Variants in ATP8A1 observed in about 807,000 individuals in gnomAD.
ATP8A1 encodes ATPase phospholipid transporting 8A1.
In ATP8A1, 90 loss-of-function variants were observed where a neutral mutation model predicts 177.7. The ratio of observed to expected loss-of-function variants is 0.51; its 90% CI spans 0.43 to 0.60. The LOEUF (loss-of-function observed/expected upper bound fraction) is 0.60. Ranked by LOEUF, ATP8A1 falls within the 20% of genes least tolerant of loss-of-function variation. The pLI is 0.00. For missense variants in ATP8A1, 1,072 were observed against 1,392.8 expected (o/e 0.77, Z 3.67); for synonymous variants, 493 against 485.9 (o/e 1.01, Z -0.19).
At chr4:42,647,980 C>T (rs1421607336) in intron 1 of ATP8A1, among the ~76,000 whole-genome samples, 1 of 151,992 alleles carries the variant, frequency 6.6e-6, no homozygotes, top group Non-Finnish European at 1.5e-5. Context: ...TTAAGACATA[C>T]AATATAATTT....
intron 7 of ATP8A1, among the ~76,000 whole-genome samples, chr4:42,589,741 T>C (rs1733968167): frequency 6.6e-6 from 1 of 152,140 alleles, no homozygotes. Context: ...TGAAACATAG[T>C]TTATGAATTT....
intron 1 of ATP8A1, among the ~76,000 whole-genome samples, chr4:42,635,321 A>G (rs1454307897): frequency 6.6e-6 from 1 of 152,138 alleles, no homozygotes; most frequent in Non-Finnish European, 1.5e-5. Context: ...TATTGCAATT[A>G]TAAGTAAGGC....
In ATP8A1 at chr4:42,411,548, G is replaced by C. The variant is rs1451622532; in HGVS notation, c.*1368C>G. ...TATTTAAAAAATAGTGTAGAAAACT[G>C]GTTGTGGTTTTTAAACAGCCCCTTC... On this transcript the variant is annotated 3_prime_UTR_variant, in exon 37 of 37. Coordinates refer to ENST00000381668, the MANE Select transcript of ATP8A1 (RefSeq NM_006095.2). 2.0e-5 allele frequency: 3 copies of C among 152,120 alleles called. No homozygotes were observed. Among genetic ancestry groups the C allele is most frequent in the Non-Finnish European group, 4.4e-5 (3 of 68,014 alleles). The allele number at this position is 152,120 out of a possible 1,614,324, so 9.4% of individuals were successfully genotyped here.
At chr4:42,459,441 T>C (rs1336998356) in intron 27 of ATP8A1, 1 of 257,370 alleles carries the variant, frequency 3.9e-6, no homozygotes, top group East Asian at 1.2e-4. Flanking sequence ...TATAAGCAGA[T>C]TTATTGCTGG....
intron 4 of ATP8A1, among the ~76,000 whole-genome samples, chr4:42,622,435 T>TAA (rs1348647806): frequency 7.3e-5 from 11 of 151,542 alleles, no homozygotes; most frequent in African/African-American, 2.4e-4. Context: ...CCCCAAACTA[T>TAA]AAAAACCCTG....
intron 16 of ATP8A1, among the ~76,000 whole-genome samples, chr4:42,555,143 T>TATCTATCTA (rs1730021851): frequency 4.6e-5 from 3 of 64,800 alleles, no homozygotes; most frequent in Admixed American, 1.5e-4. Context: ...CTATCTAATC[T>TATCTATCTA]ATCTATCTAT....
chr4:42,435,456 A>AAAAAAAAAAAAAAAACAAAC (rs1560320569), intron 33 of ATP8A1, among the ~76,000 whole-genome samples: 1 of 101,014 alleles, frequency 9.9e-6, no homozygotes, highest in African/African-American at 3.2e-5. Flanking sequence ...AAAACAAAAA[A>AAAAAAAAAAAAAAAACAAAC]AAAAAAACAA....
intron 1 of ATP8A1, among the ~76,000 whole-genome samples, chr4:42,654,768 A>C (rs1164544410): frequency 6.6e-6 from 1 of 152,230 alleles, no homozygotes; most frequent in Non-Finnish European, 1.5e-5. Flanking sequence ...GAATTGGTTG[A>C]CCCTGGGTCA....
rs568310402 is a variant in ATP8A1, at chr4:42,424,668, T to C, written c.3124-963A>G. ...CTAATCAATCAGTCCTTATCAAACATAAACATTTCTAATTTTAAATTATAT... is the reference window on the plus strand; with the variant it reads ...CTAATCAATCAGTCCTTATCAAACACAAACATTTCTAATTTTAAATTATAT... On this transcript the variant is annotated intron_variant, in intron 33 of 36. Transcript: ENST00000381668. Among the ~76,000 whole-genome samples the C allele has an allele frequency of 1.4e-4, 21 of 152,318 alleles. No homozygotes were observed. In the South Asian group the frequency reaches 4.3e-3, roughly 32 times the overall value.
intron 24 of ATP8A1, among the ~76,000 whole-genome samples, chr4:42,487,567 C>A (rs1722319679): frequency 6.6e-6 from 1 of 151,936 alleles, no homozygotes; most frequent in African/African-American, 2.4e-5. Context: ...AATAAAAATA[C>A]AGTACACTTA....
rs962498990 is a variant in ATP8A1 at position 42,655,832 on chromosome 4, T to C, written c.49+993A>G. Among the ~76,000 whole-genome samples, 18 of 152,294 alleles carry C rather than the reference T, an allele frequency of 1.2e-4. 1 individual carries two copies. Among genetic ancestry groups the C allele is most frequent in the Admixed American group, 1.1e-3 (17 of 15,296 alleles). On this transcript the variant is annotated intron_variant, in intron 1 of 36. Coordinates refer to ENST00000381668, the MANE Select transcript of ATP8A1 (RefSeq NM_006095.2). ...ACTTATATATTTTTCTAAAACCACT[T>C]CACCACCTGTCTCACATTAAAAGAT...
chr4:42,653,778 T>C (rs549825503), intron 1 of ATP8A1, among the ~76,000 whole-genome samples: 4 of 152,338 alleles, frequency 2.6e-5, no homozygotes, highest in Admixed American at 2.0e-4. Context: ...ATGACTCACC[T>C]TGGCATTTAA....
chr4:42,425,523 C>T (rs1217561831), intron 33 of ATP8A1, among the ~76,000 whole-genome samples: 4 of 151,976 alleles, frequency 2.6e-5, no homozygotes, highest in African/African-American at 7.3e-5. Flanking sequence ...CCGACATTCG[C>T]ATTAAAGACA....
intron 34 of ATP8A1, among the ~76,000 whole-genome samples, chr4:42,423,221 G>C (rs1332068591): frequency 6.6e-6 from 1 of 151,582 alleles, no homozygotes; most frequent in Non-Finnish European, 1.5e-5. Flanking sequence ...AAATTAGTAA[G>C]GTTTTCTTTT....
chr4:42,481,720 C>T (rs1721689861), intron 25 of ATP8A1, among the ~76,000 whole-genome samples: 2 of 152,146 alleles, frequency 1.3e-5, no homozygotes, highest in Non-Finnish European at 2.9e-5. Flanking sequence ...TTCAGTGAGT[C>T]TGTAAAACCC....
At chr4:42,523,823 C>T (rs543354397) in intron 21 of ATP8A1, among the ~76,000 whole-genome samples, 8 of 152,274 alleles carry the variant, frequency 5.3e-5, no homozygotes, top group East Asian at 1.9e-4. Flanking sequence ...TGTTTCCATG[C>T]TTTTACATTT....
chr4:42,487,668 T>C (rs1297809739), intron 24 of ATP8A1, among the ~76,000 whole-genome samples: 1 of 152,184 alleles, frequency 6.6e-6, no homozygotes, highest in Non-Finnish European at 1.5e-5. Flanking sequence ...TTTGTAGTTA[T>C]TTCACAGAGA....
chr4:42,503,733 G>C (rs1354902796), intron 23 of ATP8A1, among the ~76,000 whole-genome samples: 1 of 152,152 alleles, frequency 6.6e-6, no homozygotes, highest in Non-Finnish European at 1.5e-5. Context: ...AGGCTACAAA[G>C]ACATCTGGAA....
chr4:42,607,940 C>T (rs1735962366), intron 5 of ATP8A1, among the ~76,000 whole-genome samples: 1 of 152,164 alleles, frequency 6.6e-6, no homozygotes, highest in African/African-American at 2.4e-5. Context: ...GCTTTGACAG[C>T]TCATTGTTTT....
Sources: allele counts gnomAD v4.1 joint callset (sites outside exome capture counted in the v4.1 genomes callset), GRCh38; gene constraint gnomAD v4.1.1; transcripts MANE v1.5; gene names NCBI Gene and HGNC (gene_info 2026-07-23, HGNC 2026-07-21).